The following CCNG2 variants were observed in gnomAD, a reference collection of about 807,000 sequenced individuals.
The protein encoded by CCNG2 is cyclin-G2.
In CCNG2, 20 loss-of-function variants were observed where a neutral mutation model predicts 36.5. The ratio of observed to expected loss-of-function variants is 0.55; its 90% CI spans 0.39 to 0.80. CCNG2 has a LOEUF of 0.80. Ranked by LOEUF, CCNG2 falls within the 30% of genes least tolerant of loss-of-function variation. The pLI is 0.00. For synonymous variants in CCNG2, 155 were observed against 140.1 expected (o/e 1.11, Z -0.75); for missense variants, 358 against 390.8 (o/e 0.92, Z 0.71).
chr4:77,161,922 A>G (rs1379343015), intron 6 of CCNG2, among the ~76,000 whole-genome samples, 175 bp downstream of exon 6: 1 of 152,248 alleles, frequency 6.6e-6, no homozygotes, highest in Non-Finnish European at 1.5e-5. Context: ...GACAGTATTA[A>G]TCCGGAAGGG....
chr4:77,165,850 TCTC>T lies in CCNG2; in HGVS notation c.966_968del (p.Pro323del). On this transcript the variant is annotated inframe_deletion, in exon 8 of 8. Coordinates refer to ENST00000316355, the MANE Select transcript of CCNG2 (RefSeq NM_004354.3). ...TTGTGGAGAGGAGAGTCTCAGCAGC[TCTC>T]CTCCCAGTGATCAAGAGTGCACCTT... 1 of 1,611,566 alleles carries T rather than the reference TCTC, an allele frequency of 6.2e-7. No homozygotes were observed. Among genetic ancestry groups the T allele is most frequent in the Non-Finnish European group, 8.5e-7 (1 of 1,179,068 alleles).
At position 77,165,839 on chromosome 4, in the gene CCNG2, G is replaced by A. The variant is rs753502032; in HGVS notation, c.950G>A (p.Ser317Asn). The A allele has an allele frequency of 1.1e-5, 18 of 1,610,436 alleles. No individual in the cohort carries two copies. The highest frequency in any genetic ancestry group is 1.7e-4 in the Middle Eastern group (1 of 6,042). The part of the protein sequence containing the change: ...SCEDMSCGEE[S>N]LSSSPPSDQE... ...GAAGATATGAGTTGTGGAGAGGAGA[G>A]TCTCAGCAGCTCTCCTCCCAGTGAT... Residue 317 changes from serine to asparagine, a missense_variant, in exon 8 of 8, where the codon AGT becomes AAT. Coordinates refer to ENST00000316355, the MANE Select transcript of CCNG2 (RefSeq NM_004354.3).
Position 77,166,592 on chromosome 4 carries a change from G to C in CCNG2, c.*668G>C, listed in dbSNP as rs1731640016. The C allele has an allele frequency of 6.6e-6, 1 of 152,090 alleles. No individual in the cohort carries two copies. The highest frequency in any genetic ancestry group is 2.1e-4 in the South Asian group (1 of 4,820). The allele number at this position is 152,090 out of a possible 1,614,324, so 9.4% of individuals were successfully genotyped here. On this transcript the variant is annotated 3_prime_UTR_variant, in exon 8 of 8. Coordinates refer to ENST00000316355, the MANE Select transcript of CCNG2 (RefSeq NM_004354.3). ...CTTAGTTTTCATTCCTATTGCCCAA[G>C]TATTGTCAAACTATGGTATTATTTT... is the stretch of plus-strand genomic sequence containing the variant.
intron 7 of CCNG2, 47 bp downstream of exon 7, chr4:77,164,526 C>G: frequency 1.4e-6 from 2 of 1,384,362 alleles, no homozygotes; most frequent in Non-Finnish European, 2.0e-6. Context: ...CTAAATATTA[C>G]TGAGTTTATT....
intron 6 of CCNG2, among the ~76,000 whole-genome samples, chr4:77,162,902 C>T (rs1280668547): frequency 6.6e-6 from 1 of 151,852 alleles, no homozygotes; most frequent in Non-Finnish European, 1.5e-5. Flanking sequence ...GGCTGTCCAA[C>T]TCAAACAGTG....
intron 1 of CCNG2, 138 bp from the exon 2 acceptor site, chr4:77,158,395 T>G (rs1577903143): frequency 2.5e-6 from 2 of 786,132 alleles, no homozygotes; most frequent in Non-Finnish European, 4.2e-6. Context: ...CTGGCGGACG[T>G]GACTGGTCCC....
chr4:77,164,925 A>G (rs2109923099), intron 7 of CCNG2: 1 of 153,660 alleles, frequency 6.5e-6, no homozygotes, highest in African/African-American at 2.4e-5. Context: ...AAAAAACAAA[A>G]CTGAAAAAGA....
Position 77,164,285 on chromosome 4 carries a change from TG to T in CCNG2, c.718del (p.Glu240SerfsTer13). On this transcript the variant is annotated frameshift_variant, in exon 7 of 8. Transcript: ENST00000316355. LOFTEE classifies it high-confidence loss of function. ...TATTTTTTTTTCAGATTAATGACAC[TG>T]AGTTCTTCTACTGGAGAGAGTTGGT... ...VKKHSKINDT[E>X]FFYWRELVSK... The T allele has an allele frequency of 1.2e-6, 2 of 1,612,782 alleles. No homozygotes were observed. Among genetic ancestry groups the T allele is most frequent in the Non-Finnish European group, 1.7e-6 (2 of 1,178,842 alleles).
chr4:77,158,599 G>A lies in CCNG2; in HGVS notation c.67G>A (p.Val23Ile). 1.2e-6 allele frequency: 2 copies of A among 1,614,146 alleles called. No homozygotes were observed. The highest frequency in any genetic ancestry group is 1.7e-6 in the Non-Finnish European group (2 of 1,180,016). The change falls in exon 2 of 8, where the codon GTC becomes ATC. Residue 23 changes from valine to isoleucine, a missense_variant. Coordinates refer to ENST00000316355, the MANE Select transcript of CCNG2 (RefSeq NM_004354.3). ...GGTCCAACTTCTCGGGTTGTTGAAC[G>A]TCTACCTGGAACAAGAAGAGAGATT... ...EGVQLLGLLN[V>I]YLEQEERFQP...
chr4:77,164,948 G>T (rs1731590295), intron 7 of CCNG2: 1 of 153,548 alleles, frequency 6.5e-6, no homozygotes, highest in African/African-American at 2.4e-5. Flanking sequence ...TCTGGGCTTT[G>T]TAATGTTAGT....
intron 7 of CCNG2, 117 bp from the exon 8 acceptor site, chr4:77,165,684 A>G (rs918080743): frequency 1.2e-6 from 1 of 827,590 alleles, no homozygotes; most frequent in Non-Finnish European, 1.8e-6. Context: ...TCTGTAAAGC[A>G]TAAATTTTGA....
chr4:77,162,218 C>T (rs555911639), intron 6 of CCNG2, among the ~76,000 whole-genome samples: 76 of 152,246 alleles, frequency 5.0e-4, no homozygotes, highest in Non-Finnish European at 1.0e-3. Flanking sequence ...AAAAGTAAGT[C>T]TTACCATCAC....
chr4:77,159,808 A>G (rs1286788355), intron 3 of CCNG2, among the ~76,000 whole-genome samples: 1 of 152,240 alleles, frequency 6.6e-6, no homozygotes, highest in Non-Finnish European at 1.5e-5. Context: ...ATAAGATTTC[A>G]TCTGCCATCA....
At chr4:77,163,740 A>G (rs1449479320) in intron 6 of CCNG2, among the ~76,000 whole-genome samples, 1 of 152,206 alleles carries the variant, frequency 6.6e-6, no homozygotes, top group Non-Finnish European at 1.5e-5. Flanking sequence ...TGGCGGAACT[A>G]TGTCCTTTTT....
At chr4:77,158,342 C>T (rs935285116) in intron 1 of CCNG2, 191 bp from the exon 2 acceptor site, 9 of 580,964 alleles carry the variant, frequency 1.5e-5, no homozygotes, top group Non-Finnish European at 2.7e-5. Flanking sequence ...GGCTCCTCCC[C>T]CTGCCACACC....
At chr4:77,158,751 G>C in intron 2 of CCNG2, 81 bp downstream of exon 2, 1 of 1,454,400 alleles carries the variant, frequency 6.9e-7, no homozygotes, top group Non-Finnish European at 9.4e-7. Context: ...GTTGAATCAT[G>C]ACTAAAGCCT....
intron 6 of CCNG2, among the ~76,000 whole-genome samples, chr4:77,163,100 TAAG>T (rs1731531043): frequency 6.6e-6 from 1 of 152,114 alleles, no homozygotes. Flanking sequence ...CGTTTTGGAA[TAAG>T]AAGATAAACT....
intron 1 of CCNG2, among the ~76,000 whole-genome samples, chr4:77,158,019 G>A (rs960268537): frequency 6.6e-6 from 1 of 152,068 alleles, no homozygotes; most frequent in Non-Finnish European, 1.5e-5. Context: ...AGCTGGGGGC[G>A]GGACTCTCCG....
At chr4:77,158,822 T>A (rs564765302) in intron 2 of CCNG2, 152 bp downstream of exon 2, 19 of 762,854 alleles carry the variant, frequency 2.5e-5, no homozygotes, top group Non-Finnish European at 3.8e-5. Context: ...TACAGGTTAA[T>A]GCTTTTGTTT....
Sources: gnomAD v4.1 joint callset for allele counts (sites outside exome capture counted in the v4.1 genomes callset) on GRCh38, gnomAD v4.1.1 for gene constraint, MANE v1.5 for transcripts, NCBI Gene and HGNC (gene_info 2026-07-23, HGNC 2026-07-21) for gene names.